Variants in AKAP6 observed in about 807,000 individuals in gnomAD.
AKAP6 encodes the protein A-kinase anchoring protein 6, also known as A-kinase anchor protein 6.
A neutral mutation model predicts 188.5 loss-of-function variants in AKAP6; 58 were observed. The ratio of observed to expected loss-of-function variants is 0.31; its 90% confidence interval spans 0.25 to 0.38. The LOEUF (loss-of-function observed/expected upper bound fraction) is 0.38, where lower values mean the gene tolerates loss of function less well. Among genes scored for constraint, AKAP6 ranks in the 10% least tolerant of loss-of-function variants. The pLI, the probability that AKAP6 is intolerant of heterozygous loss-of-function variation, is 1.00. For missense variants in AKAP6, 2,710 were observed against 2,740.0 expected (o/e 0.99, Z 0.24); for synonymous variants, 989 against 998.6 (o/e 0.99, Z 0.18).
At position 32,823,449 on chromosome 14, in the gene AKAP6, A is replaced by G; in HGVS notation, c.5636A>G (p.Lys1879Arg). 1.2e-6 allele frequency: 2 copies of G among 1,613,462 alleles called. No homozygotes were observed. Among genetic ancestry groups the G allele is most frequent in the Non-Finnish European group, 1.7e-6 (2 of 1,179,830 alleles). ...GAGTTAGGGACAAAGCGTGAAAATA[A>G]GAAAACTATTTTCAAAGTTAATAAA... ...THELGTKRENKKTIFKVNKDP... is the reference protein window; with the variant it reads ...THELGTKRENRKTIFKVNKDP... The change falls in exon 13 of 14, where the codon AAG becomes AGG. Residue 1879 changes from lysine to arginine, a missense_variant. Physicochemically the swap from Lys to Arg is conservative, Grantham distance 26. Coordinates refer to ENST00000280979, the MANE Select transcript of AKAP6 (RefSeq NM_004274.5).
intron 2 of AKAP6, among the ~76,000 whole-genome samples, chr14:32,526,135 G>A (rs183519240): frequency 3.4e-4 from 51 of 152,200 alleles, no homozygotes; most frequent in Admixed American, 2.9e-3. Flanking sequence ...TGTGATCATG[G>A]CTCACTGTAG....
intron 2 of AKAP6, among the ~76,000 whole-genome samples, chr14:32,521,920 G>A (rs1349947735): frequency 9.9e-5 from 15 of 152,114 alleles, no homozygotes; most frequent in Admixed American, 9.2e-4. Flanking sequence ...GAGACATCAT[G>A]CTACCTGACT....
chr14:32,524,784 C>T (rs1185956180), intron 2 of AKAP6, among the ~76,000 whole-genome samples: 2 of 152,200 alleles, frequency 1.3e-5, no homozygotes, highest in Non-Finnish European at 2.9e-5. Context: ...GTAGTTCCCA[C>T]TTCAGCATCA....
At chr14:32,735,968 A>G in intron 11 of AKAP6, 86 bp downstream of exon 11, 1 of 1,034,876 alleles carries the variant, frequency 9.7e-7, no homozygotes, top group Non-Finnish European at 1.4e-6. Context: ...TATTATACCC[A>G]TGTATCTGTG....
chr14:32,618,143 G>A (rs1566607626), intron 7 of AKAP6, among the ~76,000 whole-genome samples: 1 of 152,036 alleles, frequency 6.6e-6, no homozygotes, highest in East Asian at 1.9e-4. Context: ...GAAAAACAAA[G>A]CAATCTACTA....
chr14:32,757,008 G>T (rs1284773900), intron 11 of AKAP6, among the ~76,000 whole-genome samples: 2 of 152,118 alleles, frequency 1.3e-5, no homozygotes, highest in African/African-American at 2.4e-5. Context: ...GGTGCCTGGG[G>T]TTGTAGGGGC....
chr14:32,553,004 G>A (rs1381865963), intron 4 of AKAP6, among the ~76,000 whole-genome samples: 1 of 148,232 alleles, frequency 6.7e-6, no homozygotes. Flanking sequence ...CAGAAGGCAG[G>A]AGGCACATAG....
chr14:32,356,508 C>A (rs2138469695), intron 1 of AKAP6, among the ~76,000 whole-genome samples: 1 of 152,278 alleles, frequency 6.6e-6, no homozygotes, highest in South Asian at 2.1e-4. Flanking sequence ...CCCTTCAGTA[C>A]TCCCTTAATA....
intron 7 of AKAP6, among the ~76,000 whole-genome samples, chr14:32,607,734 A>T (rs1274134261): frequency 6.6e-6 from 1 of 152,188 alleles, no homozygotes; most frequent in African/African-American, 2.4e-5. Context: ...GGGGTTCTTG[A>T]TGCAAGCAAA....
At chr14:32,677,857 G>T (rs1889499365) in intron 7 of AKAP6, among the ~76,000 whole-genome samples, 1 of 152,152 alleles carries the variant, frequency 6.6e-6, no homozygotes, top group African/African-American at 2.4e-5. Flanking sequence ...TTGTTGAAGA[G>T]GTATTAGAAT....
At chr14:32,585,999 G>C (rs1291648908) in intron 5 of AKAP6, among the ~76,000 whole-genome samples, 1 of 152,152 alleles carries the variant, frequency 6.6e-6, no homozygotes, top group Non-Finnish European at 1.5e-5. Flanking sequence ...GTCCGGGTTT[G>C]TTTTAAAACA....
At chr14:32,390,967 T>C (rs1298208750) in intron 1 of AKAP6, among the ~76,000 whole-genome samples, 1 of 152,116 alleles carries the variant, frequency 6.6e-6, no homozygotes, top group African/African-American at 2.4e-5. Flanking sequence ...AAACGTTGCA[T>C]TTGCTACTAA....
intron 1 of AKAP6, chr14:32,385,144 T>TC (rs1450666167): frequency 5.9e-5 from 2 of 33,616 alleles, no homozygotes; most frequent in Non-Finnish European, 1.9e-4. Context: ...CTCATGACAC[T>TC]CTGAAAAAAA....
At chr14:32,460,709 T>C (rs1292846272) in intron 2 of AKAP6, among the ~76,000 whole-genome samples, 6 of 152,148 alleles carry the variant, frequency 3.9e-5, no homozygotes, top group Admixed American at 3.9e-4. Context: ...CTGGAATGCC[T>C]GAGAGACAGA....
chr14:32,521,115 G>T (rs1159366496), intron 2 of AKAP6, among the ~76,000 whole-genome samples: 2 of 152,042 alleles, frequency 1.3e-5, no homozygotes, highest in Non-Finnish European at 2.9e-5. Flanking sequence ...ATGCAGAAAA[G>T]GCCTTTGACA....
intron 3 of AKAP6, among the ~76,000 whole-genome samples, chr14:32,539,413 A>G (rs1348716888): frequency 1.3e-5 from 2 of 152,144 alleles, no homozygotes; most frequent in African/African-American, 4.8e-5. Context: ...GCCAAATTGT[A>G]TCAGGCCAAA....
chr14:32,408,029 T>G (rs1889354865), intron 1 of AKAP6, among the ~76,000 whole-genome samples: 1 of 152,166 alleles, frequency 6.6e-6, no homozygotes, highest in African/African-American at 2.4e-5. Context: ...GTCAGAATCT[T>G]CCATAACCCA....
chr14:32,645,712 G>T (rs1223334311), intron 7 of AKAP6, among the ~76,000 whole-genome samples: 1 of 152,168 alleles, frequency 6.6e-6, no homozygotes, highest in Non-Finnish European at 1.5e-5. Flanking sequence ...GAGCAGGTGG[G>T]TGATAAAGGA....
intron 4 of AKAP6, among the ~76,000 whole-genome samples, chr14:32,575,486 G>A (rs564649027): frequency 3.9e-5 from 6 of 152,076 alleles, no homozygotes; most frequent in Non-Finnish European, 7.4e-5. Flanking sequence ...GTTTAGGGTT[G>A]GAGTCTAGGA....
Sources: allele counts gnomAD v4.1 joint callset (sites outside exome capture counted in the v4.1 genomes callset), GRCh38; gene constraint gnomAD v4.1.1; transcripts MANE v1.5; gene names NCBI Gene and HGNC (gene_info 2026-07-23, HGNC 2026-07-21).